NUP93: variants seen among roughly 807,000 people sequenced by gnomAD.
NUP93 encodes nuclear pore complex protein Nup93.
In NUP93, 55 loss-of-function variants were observed where a neutral mutation model predicts 107.8. That is an observed-to-expected ratio of 0.51 (90% CI 0.41 to 0.64). The LOEUF (loss-of-function observed/expected upper bound fraction) is 0.64, where lower values mean the gene tolerates loss of function less well. Among genes scored for constraint, NUP93 ranks in the 30% least tolerant of loss-of-function variants. The probability of loss-of-function intolerance (pLI) is 0.00; values close to 1 mark genes in which losing one functional copy is unlikely to be tolerated. For synonymous variants in NUP93, 390 were observed against 397.5 expected, an observed-to-expected ratio of 0.98 and a Z score of 0.22; for missense variants, 937 against 1,044.7, an observed-to-expected ratio of 0.90 and a Z score of 1.42.
chr16:56,842,493 A>T, intron 21 of NUP93: 1 of 414,616 alleles, frequency 2.4e-6, no homozygotes, highest in Non-Finnish European at 4.7e-6. Flanking sequence ...GATTACAAAA[A>T]AAAAGAGCAA....
chr16:56,828,929 A>C lies in NUP93; in HGVS notation c.795-48A>C, dbSNP rs199758827. Reference sequence around the variant, plus strand: ...CATGGATATGGGCATAGAGATGTGTAATAAATGTTTTCAGTCTTCCCTGTT... The same window carrying C: ...CATGGATATGGGCATAGAGATGTGTCATAAATGTTTTCAGTCTTCCCTGTT... On this transcript the variant is annotated intron_variant, in intron 8 of 21. Transcript: ENST00000308159. 53 of 1,592,014 alleles carry C rather than the reference A, an allele frequency of 3.3e-5. No individual in the cohort carries two copies. In the African/African-American group the frequency reaches 6.5e-4, roughly 19 times the overall value.
intron 5 of NUP93, among the ~76,000 whole-genome samples, chr16:56,808,148 A>ATATAAAATATATAGT (rs1963192060): frequency 3.2e-5 from 3 of 94,122 alleles, no homozygotes; most frequent in Non-Finnish European, 4.3e-5. Context: ...TTATATAACT[A>ATATAAAATATATAGT]TATATAATAT....
chr16:56,820,905 A>G (rs1451927323), intron 6 of NUP93, among the ~76,000 whole-genome samples: 4 of 152,212 alleles, frequency 2.6e-5, no homozygotes, highest in South Asian at 2.1e-4. Flanking sequence ...TACGATTTCT[A>G]CTATCATCAT....
intron 10 of NUP93, among the ~76,000 whole-genome samples, chr16:56,831,206 T>A (rs753247644): frequency 6.6e-6 from 1 of 152,256 alleles, no homozygotes; most frequent in Non-Finnish European, 1.5e-5. Context: ...TCCTTGGATT[T>A]TGCTAATGTA....
chr16:56,830,382 G>A lies in NUP93; in HGVS notation c.928-146G>A, dbSNP rs74021822. On this transcript the variant is annotated intron_variant, in intron 9 of 21. Transcript: ENST00000308159. Reference sequence around the variant, plus strand: ...TTTCCTTGTTTGTAAAACAGGAAAAGGCTGTTAATGGTTCTCACTGCAGGG... The same window carrying A: ...TTTCCTTGTTTGTAAAACAGGAAAAAGCTGTTAATGGTTCTCACTGCAGGG... 3.9e-3 allele frequency: 2,592 copies of A among 660,290 alleles called. 44 individuals are homozygous for A. The African/African-American group carries it at 0.041, about 10-fold the overall frequency. The allele number at this position is 660,290 out of a possible 1,614,324, so 40.9% of individuals were successfully genotyped here.
chr16:56,846,965 G>T lies in NUP93; in HGVS notation c.*2356G>T, dbSNP rs1308459600. The T allele has an allele frequency of 2.1e-5, 3 of 143,084 alleles. No individual in the cohort carries two copies. The highest frequency in any genetic ancestry group is 4.7e-5 in the Non-Finnish European group (3 of 63,252). The allele number at this position is 143,084 out of a possible 1,614,324, so 8.9% of individuals were successfully genotyped here. ...CTGCACACCAGCCCTGCATCCAGGG[G>T]ATGAGGTTCTTTGACCTGTAGATGG... On this transcript the variant is annotated 3_prime_UTR_variant, in exon 22 of 22. Coordinates refer to ENST00000308159, the MANE Select transcript of NUP93 (RefSeq NM_014669.5).
chr16:56,783,861 C>A (rs1962568153), intron 3 of NUP93: 2 of 985,232 alleles, frequency 2.0e-6, no homozygotes, highest in Non-Finnish European at 2.4e-6. Context: ...AAATGGAATT[C>A]TTTTGTCTAC....
chr16:56,740,525 G>T (rs1303796468), intron 1 of NUP93, among the ~76,000 whole-genome samples: 1 of 148,548 alleles, frequency 6.7e-6, no homozygotes, highest in Non-Finnish European at 1.5e-5. Context: ...GGGCGGAGAC[G>T]CTCCTCACTT....
At chr16:56,749,039 C>G (rs752162345) in intron 2 of NUP93, among the ~76,000 whole-genome samples, 1 of 152,150 alleles carries the variant, frequency 6.6e-6, no homozygotes, top group Admixed American at 6.5e-5. Flanking sequence ...ACTGACTGAG[C>G]TGGCAGCCAC....
intron 3 of NUP93, among the ~76,000 whole-genome samples, chr16:56,787,801 A>G (rs1962661439): frequency 6.6e-6 from 1 of 152,162 alleles, no homozygotes; most frequent in Admixed American, 6.5e-5. Context: ...CAAGGTGGAA[A>G]TCAGTTCCCT....
At chr16:56,787,508 T>G (rs555458319) in intron 3 of NUP93, among the ~76,000 whole-genome samples, 3 of 152,354 alleles carry the variant, frequency 2.0e-5, no homozygotes, top group Admixed American at 2.0e-4. Context: ...CCTGACTGAC[T>G]GCGAGACACA....
chr16:56,833,921 G>A (rs1378474907), intron 13 of NUP93, among the ~76,000 whole-genome samples: 1 of 152,180 alleles, frequency 6.6e-6, no homozygotes, highest in African/African-American at 2.4e-5. Context: ...GTAATTTATG[G>A]CAAAGTGCTG....
chr16:56,736,883 A>G (rs1489354903), intron 1 of NUP93, among the ~76,000 whole-genome samples: 11 of 152,230 alleles, frequency 7.2e-5, no homozygotes, highest in African/African-American at 2.7e-4. Flanking sequence ...TACTCATGGA[A>G]AAGAATTTGC....
At chr16:56,808,714 T>G (rs954490408) in intron 5 of NUP93, among the ~76,000 whole-genome samples, 16 of 34,490 alleles carry the variant, frequency 4.6e-4, no homozygotes, top group Non-Finnish European at 6.8e-4. Context: ...AATACATATA[T>G]AAATATATAT....
At position 56,847,502 on chromosome 16, in the gene NUP93, C is replaced by T. The variant is rs1442550388; in HGVS notation, c.*2893C>T. Reference sequence around the variant, plus strand: ...TAATGAAATTGGGGGCACTTTGAGACTGTCAGGGTTTGTTCCTGTCTCAGA... The same window carrying T: ...TAATGAAATTGGGGGCACTTTGAGATTGTCAGGGTTTGTTCCTGTCTCAGA... On this transcript the variant is annotated 3_prime_UTR_variant, in exon 22 of 22. Coordinates refer to ENST00000308159, the MANE Select transcript of NUP93 (RefSeq NM_014669.5). 2 of 152,210 alleles carry T rather than the reference C, an allele frequency of 1.3e-5. No individual in the cohort carries two copies. 9.4% of individuals were successfully genotyped at this position (152,210 alleles called of 1,614,324 possible). A position where few individuals can be genotyped will look rare whatever the true frequency, so the allele number is the denominator to read the frequency against.
At chr16:56,740,194 T>C (rs1452707383) in intron 1 of NUP93, among the ~76,000 whole-genome samples, 5 of 132,874 alleles carry the variant, frequency 3.8e-5, no homozygotes, top group East Asian at 2.6e-4. Context: ...CCAGATGGGG[T>C]GGCTGCCGGG....
chr16:56,785,526 C>CA (rs1490876754), intron 3 of NUP93, among the ~76,000 whole-genome samples: 1 of 151,968 alleles, frequency 6.6e-6, no homozygotes, highest in Admixed American at 6.5e-5. Flanking sequence ...CTTTTTGCAA[C>CA]AAAAAATGTA....
intron 3 of NUP93, among the ~76,000 whole-genome samples, chr16:56,784,912 A>G (rs1000683784): frequency 2.6e-5 from 4 of 152,192 alleles, no homozygotes; most frequent in African/African-American, 2.4e-5. Flanking sequence ...TTTTCTTCAC[A>G]TCAGCCTTTT....
rs555012186 is a variant in NUP93 at position 56,735,642 on chromosome 16, C to T, written c.-15+5431C>T. Among the ~76,000 whole-genome samples the T allele has an allele frequency of 6.6e-5, 10 of 152,092 alleles. No individual in the cohort carries two copies. The East Asian group carries it at 9.7e-4, about 15-fold the overall frequency. On this transcript the variant is annotated intron_variant, in intron 1 of 21. Coordinates refer to ENST00000308159, the MANE Select transcript of NUP93 (RefSeq NM_014669.5). ...AGCGGATCACTTGAGGTCAGGAGTT[C>T]GAGACCAGCGTGGCAAACATGGTGA... is the stretch of plus-strand genomic sequence containing the variant.
Sources: gnomAD v4.1 joint callset for allele counts (sites outside exome capture counted in the v4.1 genomes callset) on GRCh38, gnomAD v4.1.1 for gene constraint, MANE v1.5 for transcripts, NCBI Gene and HGNC (gene_info 2026-07-23, HGNC 2026-07-21) for gene names.